Variants in FHIT observed in about 807,000 individuals in gnomAD.
The protein encoded by FHIT is bis(5'-adenosyl)-triphosphatase.
A neutral mutation model predicts 17.9 loss-of-function variants in FHIT; 19 were observed. The observed-to-expected ratio is 1.06, with a 90% CI of 0.74 to 1.56. The LOEUF (loss-of-function observed/expected upper bound fraction) is 1.56. FHIT is among the 40% of genes most tolerant of loss of function. The pLI, the probability that FHIT is intolerant of heterozygous loss-of-function variation, is 0.00. For synonymous variants in FHIT, 81 were observed against 69.7 expected (o/e 1.16, Z -0.81); for missense variants, 248 against 189.2 (o/e 1.31, Z -1.82).
rs559676641 is a variant in FHIT, at chr3:60,287,736, G to A, written c.103+249124C>T. On this transcript the variant is annotated intron_variant, in intron 5 of 9. Transcript: ENST00000492590. ...GAAGAAAAATGGGGAGACAAAGAAG[G>A]AAAAGGAAAAGAAAGGATTCAGGGT... Among the ~76,000 whole-genome samples, 13 of 152,170 alleles carry A rather than the reference G, an allele frequency of 8.5e-5. No homozygotes were observed. The South Asian group carries it at 2.7e-3, about 32-fold the overall frequency.
intron 5 of FHIT, among the ~76,000 whole-genome samples, chr3:60,237,686 G>C (rs139747350): frequency 9.2e-5 from 14 of 152,178 alleles, no homozygotes; most frequent in African/African-American, 3.4e-4. Flanking sequence ...ACTTGCATTC[G>C]GTTTGCAGTT....
At chr3:60,301,716 A>T (rs1015638952) in intron 5 of FHIT, among the ~76,000 whole-genome samples, 4 of 152,160 alleles carry the variant, frequency 2.6e-5, no homozygotes, top group African/African-American at 9.6e-5. Flanking sequence ...AGTGATTAGG[A>T]TAAACATTGA....
chr3:61,190,543 A>C (rs1224075632), intron 2 of FHIT, among the ~76,000 whole-genome samples: 1 of 152,176 alleles, frequency 6.6e-6, no homozygotes, highest in African/African-American at 2.4e-5. Flanking sequence ...GGGATCTAGA[A>C]CTAGAATTAC....
intron 4 of FHIT, among the ~76,000 whole-genome samples, chr3:60,590,502 T>C (rs1000830153): frequency 6.6e-6 from 1 of 152,090 alleles, no homozygotes; most frequent in East Asian, 1.9e-4. Context: ...AAACAGGGCA[T>C]AATATATATG....
chr3:60,637,009 C>T (rs1483525336), intron 4 of FHIT, among the ~76,000 whole-genome samples: 1 of 152,088 alleles, frequency 6.6e-6, no homozygotes, highest in Non-Finnish European at 1.5e-5. Context: ...AGGTGGATCT[C>T]CTTGGGAAAC....
At chr3:60,913,656 T>C (rs1706852621) in intron 3 of FHIT, among the ~76,000 whole-genome samples, 1 of 152,210 alleles carries the variant, frequency 6.6e-6, no homozygotes, top group Admixed American at 6.5e-5. Flanking sequence ...TTCTTCAATA[T>C]TGGCAGGGCT....
At chr3:60,756,857 G>C (rs1239173074) in intron 4 of FHIT, among the ~76,000 whole-genome samples, 1 of 152,160 alleles carries the variant, frequency 6.6e-6, no homozygotes, top group African/African-American at 2.4e-5. Context: ...CACAAACCTT[G>C]TGACCACACA....
chr3:60,766,758 A>G (rs1553721529), intron 4 of FHIT, among the ~76,000 whole-genome samples: 1 of 152,180 alleles, frequency 6.6e-6, no homozygotes, highest in Non-Finnish European at 1.5e-5. Flanking sequence ...TTCTCCCCAC[A>G]TCACCTTGAT....
chr3:60,510,101 T>A (rs955481401), intron 5 of FHIT, among the ~76,000 whole-genome samples: 6 of 152,160 alleles, frequency 3.9e-5, no homozygotes, highest in Non-Finnish European at 5.9e-5. Context: ...TCAGCTTCAG[T>A]AGCAACATAC....
chr3:60,476,250 C>A lies in FHIT; in HGVS notation c.103+60610G>T, dbSNP rs2033338947. 3.3e-5 allele frequency among the ~76,000 whole-genome samples: 5 copies of A among 152,210 alleles called. No individual in the cohort carries two copies. In the South Asian group the frequency reaches 1.0e-3, roughly 32 times the overall value. On this transcript the variant is annotated intron_variant, in intron 5 of 9. Coordinates refer to ENST00000492590, the MANE Select transcript of FHIT (RefSeq NM_002012.4). ...CCTGGTATGAGACAGAAAAATAGAG[C>A]TAATGTGTCAAAAGTACCACATGGA...
chr3:60,251,275 T>C (rs1006853601), intron 5 of FHIT, among the ~76,000 whole-genome samples: 31 of 152,184 alleles, frequency 2.0e-4, no homozygotes, highest in Admixed American at 1.5e-3. Context: ...TAACAGATCA[T>C]GTTGATTTTA....
intron 5 of FHIT, among the ~76,000 whole-genome samples, chr3:60,437,735 G>A (rs1040387585): frequency 6.6e-6 from 1 of 152,060 alleles, no homozygotes; most frequent in Admixed American, 6.6e-5. Context: ...TCATATTTAT[G>A]TTACTAAATA....
At chr3:60,245,369 C>T (rs747327281) in intron 5 of FHIT, among the ~76,000 whole-genome samples, 2 of 151,932 alleles carry the variant, frequency 1.3e-5, no homozygotes, top group African/African-American at 2.4e-5. Flanking sequence ...TATAAGGAGG[C>T]TAGAAATGTT....
chr3:60,744,272 A>AAAC (rs1553714752), intron 4 of FHIT, among the ~76,000 whole-genome samples: 2 of 89,958 alleles, frequency 2.2e-5, no homozygotes, highest in African/African-American at 8.3e-5. Flanking sequence ...ACAAAACAAA[A>AAAC]AAAAAAAAAA....
chr3:60,158,835 T>G (rs1451287137), intron 5 of FHIT, among the ~76,000 whole-genome samples: 2 of 152,084 alleles, frequency 1.3e-5, no homozygotes, highest in African/African-American at 4.8e-5. Context: ...CCTCCCTTCC[T>G]TAGACTCTCC....
At chr3:60,117,353 C>G (rs1705012318) in intron 5 of FHIT, among the ~76,000 whole-genome samples, 1 of 151,958 alleles carries the variant, frequency 6.6e-6, no homozygotes. Context: ...TGCCTTTTCC[C>G]ATTTGAAATT....
At chr3:60,943,884 C>T (rs1205653897) in intron 3 of FHIT, among the ~76,000 whole-genome samples, 2 of 152,102 alleles carry the variant, frequency 1.3e-5, no homozygotes, top group Non-Finnish European at 2.9e-5. Flanking sequence ...TATTTCTTTA[C>T]CTATAACATG....
intron 4 of FHIT, among the ~76,000 whole-genome samples, chr3:60,620,440 G>A (rs1336637804): frequency 1.3e-5 from 2 of 152,060 alleles, no homozygotes; most frequent in East Asian, 1.9e-4. Context: ...CATGGTATAC[G>A]CAGACCATTA....
chr3:60,229,016 T>A (rs1704356159), intron 5 of FHIT, among the ~76,000 whole-genome samples: 1 of 152,114 alleles, frequency 6.6e-6, no homozygotes, highest in Non-Finnish European at 1.5e-5. Flanking sequence ...CACTCTTGAG[T>A]GACACACCAC....
Sources: gnomAD v4.1 joint callset for allele counts (sites outside exome capture counted in the v4.1 genomes callset) on GRCh38, gnomAD v4.1.1 for gene constraint, MANE v1.5 for transcripts, NCBI Gene and HGNC (gene_info 2026-07-23, HGNC 2026-07-21) for gene names.